NBEA: variants seen among roughly 807,000 people sequenced by gnomAD.
The protein encoded by NBEA is neurobeachin, also known as lysosomal-trafficking regulator 2.
NBEA carries 44 observed loss-of-function variants against 343.4 expected under a neutral mutation model. The observed-to-expected ratio is 0.13, with a 90% confidence interval of 0.10 to 0.16. The LOEUF (loss-of-function observed/expected upper bound fraction) is 0.16. Among genes scored for constraint, NBEA ranks in the 10% least tolerant of loss-of-function variants. The pLI is 1.00. For synonymous variants in NBEA, 1,175 were observed against 1,238.7 expected (o/e 0.95, Z 1.08); for missense variants, 2,555 against 3,631.3 (o/e 0.70, Z 7.62).
chr13:35,065,315 A>C (rs1282237091), intron 8 of NBEA, among the ~76,000 whole-genome samples: 1 of 151,920 alleles, frequency 6.6e-6, no homozygotes, highest in Non-Finnish European at 1.5e-5. Flanking sequence ...TGGTATTGAA[A>C]GCCTGTTGAC....
At chr13:35,019,740 A>T (rs2061770570) in intron 1 of NBEA, among the ~76,000 whole-genome samples, 2 of 152,160 alleles carry the variant, frequency 1.3e-5, no homozygotes, top group African/African-American at 2.4e-5. Context: ...TTGGTAGTTT[A>T]TGTCACTCAA....
At chr13:35,334,334 A>G (rs976038415) in intron 36 of NBEA, among the ~76,000 whole-genome samples, 2 of 152,120 alleles carry the variant, frequency 1.3e-5, no homozygotes, top group South Asian at 4.1e-4. Context: ...CAATGGCATG[A>G]TCTTAGCTCA....
At chr13:35,469,023 C>T (rs554810963) in intron 40 of NBEA, among the ~76,000 whole-genome samples, 4 of 127,900 alleles carry the variant, frequency 3.1e-5, no homozygotes, top group South Asian at 2.7e-4. Context: ...CGCTTGAGCT[C>T]GGGGGGCAGA....
chr13:35,383,861 TTG>T (rs2042117371), intron 38 of NBEA, among the ~76,000 whole-genome samples: 1 of 151,986 alleles, frequency 6.6e-6, no homozygotes, highest in Non-Finnish European at 1.5e-5. Context: ...AAATACAAAT[TTG>T]TGTGTATGAG....
intron 41 of NBEA, among the ~76,000 whole-genome samples, chr13:35,483,194 A>G (rs2076184139): frequency 6.6e-6 from 1 of 151,962 alleles, no homozygotes; most frequent in East Asian, 1.9e-4. Context: ...AGAAACTCCT[A>G]ATATTTAGTA....
chr13:35,218,683 T>C (rs1357415878), intron 33 of NBEA, among the ~76,000 whole-genome samples: 1 of 150,096 alleles, frequency 6.7e-6, no homozygotes, highest in African/African-American at 2.4e-5. Flanking sequence ...CTTATATTTG[T>C]AATTAACAAA....
At position 35,423,005 on chromosome 13, in the gene NBEA, T is replaced by G. The variant is rs1010024537; in HGVS notation, c.6180-9264T>G. Reference sequence around the variant, plus strand: ...TTTGTTGATGGGGTTGTTTGTTTTTTTCTTGTAAATTTGTTTAAGTTCTTT... The same window carrying G: ...TTTGTTGATGGGGTTGTTTGTTTTTGTCTTGTAAATTTGTTTAAGTTCTTT... On this transcript the variant is annotated intron_variant, in intron 38 of 58. Coordinates refer to ENST00000379939, the MANE Select transcript of NBEA (RefSeq NM_001385012.1). Among the ~76,000 whole-genome samples, 68 of 152,324 alleles carry G rather than the reference T, an allele frequency of 4.5e-4. No individual in the cohort carries two copies. In the Middle Eastern group the frequency reaches 0.01, roughly 23 times the overall value.
At chr13:35,457,593 A>G (rs952402078) in intron 40 of NBEA, among the ~76,000 whole-genome samples, 9 of 151,936 alleles carry the variant, frequency 5.9e-5, no homozygotes, top group African/African-American at 2.2e-4. Flanking sequence ...AGCCCTTTCC[A>G]TATTTTGACA....
intron 38 of NBEA, among the ~76,000 whole-genome samples, chr13:35,403,062 G>A (rs1019606841): frequency 6.6e-6 from 1 of 151,970 alleles, no homozygotes; most frequent in Non-Finnish European, 1.5e-5. Context: ...TTAACACTTA[G>A]GAGCTTTCCT....
chr13:35,623,637 AT>A (rs913191527), intron 48 of NBEA, among the ~76,000 whole-genome samples: 1 of 152,146 alleles, frequency 6.6e-6, no homozygotes, highest in Non-Finnish European at 1.5e-5. Flanking sequence ...AGACATAAAT[AT>A]TTTTTAATTT....
intron 4 of NBEA, among the ~76,000 whole-genome samples, chr13:35,047,227 G>A (rs1182163519): frequency 6.6e-6 from 1 of 150,956 alleles, no homozygotes; most frequent in African/African-American, 2.4e-5. Context: ...GTGTGTGTGT[G>A]TATTTTTTTT....
chr13:35,672,174 G>A lies in NBEA; in HGVS notation c.*1183G>A. 1 of 152,382 alleles carries A rather than the reference G, an allele frequency of 6.6e-6. No individual in the cohort carries two copies. The highest frequency in any genetic ancestry group is 1.9e-4 in the East Asian group (1 of 5,190). The allele number at this position is 152,382 out of a possible 1,614,324, so 9.4% of individuals were successfully genotyped here. On this transcript the variant is annotated 3_prime_UTR_variant, in exon 59 of 59. Transcript: ENST00000379939. ...GTACTGATCAAGTTATACACCCAGG[G>A]GTATATACACTTTCTTCATGTTTCT...
At chr13:35,330,549 T>C (rs1424556136) in intron 36 of NBEA, among the ~76,000 whole-genome samples, 1 of 152,030 alleles carries the variant, frequency 6.6e-6, no homozygotes, top group Non-Finnish European at 1.5e-5. Context: ...ATTCTCTCCT[T>C]TCCATATCAA....
intron 34 of NBEA, among the ~76,000 whole-genome samples, chr13:35,267,528 T>C (rs1397016831): frequency 7.9e-5 from 12 of 151,880 alleles, no homozygotes; most frequent in South Asian, 2.1e-4. Flanking sequence ...ATTTTAGACT[T>C]TTGTTGATCA....
intron 38 of NBEA, among the ~76,000 whole-genome samples, chr13:35,383,334 A>G (rs780903746): frequency 2.0e-4 from 30 of 152,184 alleles, no homozygotes; most frequent in Non-Finnish European, 3.4e-4. Context: ...CAGGACCAAG[A>G]TATGCCTAAT....
At chr13:34,969,102 G>A (rs997341903) in intron 1 of NBEA, among the ~76,000 whole-genome samples, 2 of 151,760 alleles carry the variant, frequency 1.3e-5, no homozygotes, top group Non-Finnish European at 1.5e-5. Flanking sequence ...ACCTTCTGTC[G>A]TTTATGTTTT....
At chr13:35,453,735 G>C (rs2046417585) in intron 40 of NBEA, among the ~76,000 whole-genome samples, 1 of 152,098 alleles carries the variant, frequency 6.6e-6, no homozygotes, top group African/African-American at 2.4e-5. Context: ...GATTTGCATA[G>C]TCCCTTAAAG....
chr13:35,548,542 T>G (rs887681737), intron 41 of NBEA, among the ~76,000 whole-genome samples: 5 of 152,206 alleles, frequency 3.3e-5, no homozygotes, highest in Non-Finnish European at 7.3e-5. Flanking sequence ...ACAGCTTTCA[T>G]GGGAAGATCT....
chr13:34,977,411 C>T (rs142596501), intron 1 of NBEA, among the ~76,000 whole-genome samples: 2 of 151,620 alleles, frequency 1.3e-5, no homozygotes, highest in Admixed American at 6.6e-5. Flanking sequence ...CGGATTCAAG[C>T]GATTCTTCTG....
Sources: allele counts gnomAD v4.1 joint callset (sites outside exome capture counted in the v4.1 genomes callset), GRCh38; gene constraint gnomAD v4.1.1; transcripts MANE v1.5; gene names NCBI Gene and HGNC (gene_info 2026-07-23, HGNC 2026-07-21).